CCDC134: variants seen among roughly 807,000 people sequenced by gnomAD.
CCDC134 encodes the protein coiled-coil domain containing 134, also known as coiled-coil domain-containing protein 134.
CCDC134 carries 27 observed loss-of-function variants against 25.6 expected under a neutral mutation model. The observed-to-expected ratio is 1.05, with a 90% CI of 0.78 to 1.45. The LOEUF is 1.45. Among genes scored for constraint, CCDC134 ranks in the 40% most tolerant of loss-of-function variants. The probability of loss-of-function intolerance (pLI) is 0.00; values close to 1 mark genes in which losing one functional copy is unlikely to be tolerated. For synonymous variants in CCDC134, 110 were observed against 115.0 expected (o/e 0.96, Z 0.28); for missense variants, 261 against 286.7 (o/e 0.91, Z 0.65).
chr22:41,820,592 G>T (rs553348911), intron 6 of CCDC134, among the ~76,000 whole-genome samples: 2 of 152,344 alleles, frequency 1.3e-5, no homozygotes, highest in East Asian at 3.9e-4. Flanking sequence ...TGGAGCTGCT[G>T]AGAAATGGTC....
At chr22:41,819,963 T>A (rs950809495) in intron 6 of CCDC134, among the ~76,000 whole-genome samples, 3 of 82,628 alleles carry the variant, frequency 3.6e-5, no homozygotes, top group African/African-American at 1.8e-4. Flanking sequence ...ACTTACCACT[T>A]TATATATATA....
intron 1 of CCDC134, among the ~76,000 whole-genome samples, 166 bp downstream of exon 1, chr22:41,800,932 G>A (rs1168647245): frequency 2.0e-5 from 3 of 152,200 alleles, no homozygotes; most frequent in Non-Finnish European, 1.5e-5. Context: ...AAGGCTCGGG[G>A]TCAACCACCT....
In CCDC134 at chr22:41,829,547, A is replaced by G. The variant is rs1386151511; in HGVS notation, c.*3724A>G. 1.3e-5 allele frequency among the ~76,000 whole-genome samples: 2 copies of G among 152,166 alleles called. No homozygotes were observed. The highest frequency in any genetic ancestry group is 6.5e-5 in the Admixed American group (1 of 15,274). On this transcript the variant is annotated 3_prime_UTR_variant, in exon 7 of 7. Coordinates refer to ENST00000255784, the MANE Select transcript of CCDC134 (RefSeq NM_024821.5). ...GGAGTACATGCTTTTGGTTAATCCA[A>G]TTGGAAGGCTTCCTAGAGGAAGTAA...
At chr22:41,812,680 TAAG>T (rs965454030) in intron 4 of CCDC134, among the ~76,000 whole-genome samples, 1 of 151,982 alleles carries the variant, frequency 6.6e-6, no homozygotes, top group Admixed American at 6.6e-5. Context: ...TCATTCAAAA[TAAG>T]AACTTAAGCA....
intron 6 of CCDC134, among the ~76,000 whole-genome samples, chr22:41,814,987 CT>C (rs1326517093): frequency 6.6e-6 from 1 of 152,048 alleles, no homozygotes; most frequent in African/African-American, 2.4e-5. Context: ...CAAATGTGCT[CT>C]TTGGGAAGAG....
chr22:41,809,728 G>A (rs1436583459), intron 2 of CCDC134, 151 bp from the exon 3 acceptor site: 11 of 951,684 alleles, frequency 1.2e-5, no homozygotes, highest in Non-Finnish European at 1.7e-5. Context: ...CCATGCACTT[G>A]TCAGTTTGTT....
chr22:41,813,171 G>A, intron 4 of CCDC134, 93 bp from the exon 5 acceptor site: 1 of 1,296,648 alleles, frequency 7.7e-7, no homozygotes. Flanking sequence ...TGGTGGGTTT[G>A]GTGGATGTCT....
chr22:41,811,430 C>G (rs2076595603), intron 4 of CCDC134, among the ~76,000 whole-genome samples: 1 of 152,054 alleles, frequency 6.6e-6, no homozygotes, highest in Non-Finnish European at 1.5e-5. Context: ...AGAAACTATT[C>G]TTTTCTTTTT....
intron 2 of CCDC134, among the ~76,000 whole-genome samples, chr22:41,809,211 G>C (rs1217273244): frequency 2.6e-5 from 4 of 152,176 alleles, no homozygotes; most frequent in Admixed American, 1.3e-4. Context: ...GACTGCAAAG[G>C]CTCAGTGAGG....
At chr22:41,808,173 T>A (rs1474988280) in intron 1 of CCDC134, among the ~76,000 whole-genome samples, 2 of 151,664 alleles carry the variant, frequency 1.3e-5, no homozygotes, top group Non-Finnish European at 2.9e-5. Context: ...AAAAAAAAAA[T>A]TAAATTAAAA....
chr22:41,802,981 G>C lies in CCDC134; in HGVS notation c.-17+2215G>C, dbSNP rs138357520. ...ATACAAAAATTAGCCGGGCGTGGTG[G>C]CACATGCCTGTAATCCCAGCTACTA... On this transcript the variant is annotated intron_variant, in intron 1 of 6. Transcript: ENST00000255784. 2.4e-3 allele frequency among the ~76,000 whole-genome samples: 365 copies of C among 152,152 alleles called. 2 individuals are homozygous for C. The highest frequency in any genetic ancestry group is 8.5e-3 in the African/African-American group (353 of 41,522).
intron 4 of CCDC134, 95 bp downstream of exon 4, chr22:41,810,386 G>A (rs1379092287): frequency 7.4e-6 from 9 of 1,214,378 alleles, no homozygotes; most frequent in East Asian, 2.6e-5. Flanking sequence ...TTTTCTCCCC[G>A]GAAGTGCCCT....
chr22:41,810,357 C>T (rs2076589037), intron 4 of CCDC134, 66 bp downstream of exon 4: 3 of 1,433,124 alleles, frequency 2.1e-6, no homozygotes, highest in East Asian at 4.8e-5. Flanking sequence ...CTCCTTCTCT[C>T]CTGTTCTTGT....
In CCDC134 at chr22:41,830,233, G is replaced by A. The variant is rs1327313060; in HGVS notation, c.*4410G>A. On this transcript the variant is annotated 3_prime_UTR_variant, in exon 7 of 7. Coordinates refer to ENST00000255784, the MANE Select transcript of CCDC134 (RefSeq NM_024821.5). ...ATCCAGGGCCAGAGGGAAAATATCA[G>A]TGCTTCCTGAGGTTCGGGTCCAGCC... Among the ~76,000 whole-genome samples, 1 of 152,210 alleles carries A rather than the reference G, an allele frequency of 6.6e-6. No individual in the cohort carries two copies. Among genetic ancestry groups the A allele is most frequent in the Non-Finnish European group, 1.5e-5 (1 of 68,034 alleles).
rs772910917 is a variant in CCDC134 at position 41,810,236 on chromosome 22, C to T, written c.255C>T (p.Thr85=). Residue 85 remains threonine (T), a synonymous_variant, in exon 4 of 7, where the codon ACC becomes ACT. Transcript: ENST00000255784. ...TGGAGGACTCCCGGACAGTGCTCACCGCTGCTGATGTGCTCCCAGATGGGC... is the reference window on the plus strand; with the variant it reads ...TGGAGGACTCCCGGACAGTGCTCACTGCTGCTGATGTGCTCCCAGATGGGC... ...KVLEDSRTVL[T]AADVLPDGPF... is the part of the protein sequence containing the mutation. The T allele has an allele frequency of 1.6e-5, 26 of 1,613,906 alleles. No homozygotes were observed. The highest frequency in any genetic ancestry group is 1.1e-4 in the East Asian group (5 of 44,890).
At chr22:41,812,422 CAAAAAAAA>C (rs36098937) in intron 4 of CCDC134, among the ~76,000 whole-genome samples, 4 of 77,208 alleles carry the variant, frequency 5.2e-5, no homozygotes, top group Admixed American at 3.1e-4. Context: ...ACTCCGTCTC[CAAAAAAAA>C]AAAAAAAAAA....
intron 6 of CCDC134, among the ~76,000 whole-genome samples, chr22:41,815,805 C>T (rs2076620248): frequency 6.6e-6 from 1 of 152,044 alleles, no homozygotes; most frequent in South Asian, 2.1e-4. Context: ...CGACACCATT[C>T]CTGGCTAATT....
chr22:41,825,833 A>G lies in CCDC134; in HGVS notation c.*10A>G. On this transcript the variant is annotated 3_prime_UTR_variant, in exon 7 of 7. Transcript: ENST00000255784. This position sits in a 1 kb window ranked among gnomAD's most constrained non-coding sequence, Gnocchi z 4.4. ...CCAGTCTGAGTTATAGCCCTGGAGC[A>G]GCTCAGGGCTCAGGGGGCCACAAGG... 6.2e-7 allele frequency: 1 copy of G among 1,613,760 alleles called. No homozygotes were observed. The highest frequency in any genetic ancestry group is 2.2e-5 in the East Asian group (1 of 44,872).
intron 6 of CCDC134, among the ~76,000 whole-genome samples, chr22:41,815,153 C>G (rs561120358): frequency 6.6e-6 from 1 of 151,476 alleles, no homozygotes. Flanking sequence ...ACAGTCTGCC[C>G]CAAGCCCAAG....
Sources: allele counts gnomAD v4.1 joint callset (sites outside exome capture counted in the v4.1 genomes callset), GRCh38; gene constraint gnomAD v4.1.1; non-coding constraint Gnocchi (gnomAD v3.1); transcripts MANE v1.5; gene names NCBI Gene and HGNC (gene_info 2026-07-23, HGNC 2026-07-21).